Variants in RERE observed in about 807,000 individuals in gnomAD.
RERE encodes arginine-glutamic acid dipeptide repeats, also known as arginine-glutamic acid dipeptide repeats protein.
Under a neutral mutation model 146.1 loss-of-function variants are expected in RERE, and 40 were observed. The observed-to-expected ratio is 0.27, with a 90% confidence interval of 0.21 to 0.36. The LOEUF (loss-of-function observed/expected upper bound fraction) is 0.36, where lower values mean the gene tolerates loss of function less well. Among genes scored for constraint, RERE ranks in the 10% least tolerant of loss-of-function variants. RERE has a pLI of 1.00. For synonymous variants in RERE, 1,003 were observed against 866.0 expected, an observed-to-expected ratio of 1.16 and a Z score of -2.78; for missense variants, 1,933 against 2,138.7, an observed-to-expected ratio of 0.90 and a Z score of 1.90.
At chr1:8,407,289 G>C (rs1423593521) in intron 12 of RERE, among the ~76,000 whole-genome samples, 1 of 152,198 alleles carries the variant, frequency 6.6e-6, no homozygotes, top group East Asian at 1.9e-4. Context: ...GCTGCCTAGA[G>C]AAGGGGATGG....
At chr1:8,784,466 T>A (rs6697719) in intron 1 of RERE, among the ~76,000 whole-genome samples, 9,760 of 152,274 alleles carry the variant, frequency 0.064, 373 homozygotes, top group Middle Eastern at 0.099. Context: ...GCTTGGGGTT[T>A]TTTTTCTCTT....
chr1:8,423,923 C>A lies in RERE; in HGVS notation c.1204-1116G>T, dbSNP rs1319513615. 6.6e-6 allele frequency: 1 copy of A among 151,242 alleles called. No individual in the cohort carries two copies. Among genetic ancestry groups the A allele is most frequent in the East Asian group, 1.9e-4 (1 of 5,130 alleles). The allele number at this position is 151,242 out of a possible 1,614,324, so 9.4% of individuals were successfully genotyped here. A position where few individuals can be genotyped will look rare whatever the true frequency, so the allele number is the denominator to read the frequency against. On this transcript the variant is annotated intron_variant, in intron 11 of 22. Coordinates refer to ENST00000400908, the MANE Select transcript of RERE (RefSeq NM_001042681.2). This position sits in a 1 kb window ranked among gnomAD's most constrained non-coding sequence, Gnocchi z 5.4. ...CCCGGCCCGACCCCCACCCCGAGGC[C>A]GGAGCCTCCAGGGCACCCGGCGCTG...
At chr1:8,693,658 T>C (rs1326316665) in intron 1 of RERE, among the ~76,000 whole-genome samples, 3 of 152,272 alleles carry the variant, frequency 2.0e-5, no homozygotes, top group South Asian at 4.2e-4. Flanking sequence ...CTATATGATA[T>C]TGTAATGGTA....
At chr1:8,717,265 A>C (rs1639782996) in intron 1 of RERE, among the ~76,000 whole-genome samples, 1 of 152,240 alleles carries the variant, frequency 6.6e-6, no homozygotes, top group Non-Finnish European at 1.5e-5. Flanking sequence ...AAGGGAAAGG[A>C]AAATCAAGCA....
intron 12 of RERE, among the ~76,000 whole-genome samples, chr1:8,386,013 TA>T (rs1642656259): frequency 2.6e-4 from 11 of 42,266 alleles, no homozygotes; most frequent in Non-Finnish European, 3.1e-4. Context: ...TATATATATA[TA>T]TATATATATT....
intron 4 of RERE, among the ~76,000 whole-genome samples, chr1:8,559,495 A>G (rs1172216004): frequency 2.6e-5 from 4 of 152,002 alleles, no homozygotes; most frequent in Non-Finnish European, 1.5e-5. Flanking sequence ...CCTTTATATT[A>G]AAATTTCTGA....
intron 1 of RERE, among the ~76,000 whole-genome samples, chr1:8,783,362 A>C (rs1014463318): frequency 1.3e-5 from 2 of 152,196 alleles, no homozygotes; most frequent in African/African-American, 2.4e-5. Context: ...ATCAGAAAAT[A>C]CTGTCGCTCT....
At chr1:8,566,639 A>C (rs561208930) in intron 4 of RERE, among the ~76,000 whole-genome samples, 1 of 152,140 alleles carries the variant, frequency 6.6e-6, no homozygotes, top group Admixed American at 6.5e-5. Context: ...AACAAACAAA[A>C]AAAAACCTGA....
At chr1:8,671,941 A>T (rs931616558) in intron 1 of RERE, among the ~76,000 whole-genome samples, 2 of 152,128 alleles carry the variant, frequency 1.3e-5, no homozygotes, top group African/African-American at 4.8e-5. Flanking sequence ...ATATGATTAC[A>T]TCTGTAAGAG....
intron 12 of RERE, among the ~76,000 whole-genome samples, chr1:8,376,593 A>G (rs1642266166): frequency 6.6e-6 from 1 of 152,196 alleles, no homozygotes; most frequent in Non-Finnish European, 1.5e-5. Context: ...ACCACCCACC[A>G]GCTTCTGATA....
intron 11 of RERE, among the ~76,000 whole-genome samples, chr1:8,435,530 A>G (rs172531): frequency 0.3 from 46,333 of 152,006 alleles, 7,402 homozygotes; most frequent in African/African-American, 0.33. Flanking sequence ...AAACCATTAG[A>G]TGTTCTTCGT....
intron 12 of RERE, among the ~76,000 whole-genome samples, chr1:8,418,704 C>T (rs1021195649): frequency 6.6e-6 from 1 of 152,200 alleles, no homozygotes; most frequent in African/African-American, 2.4e-5. Context: ...AAGAAAACTG[C>T]AATGTATAGA....
intron 11 of RERE, among the ~76,000 whole-genome samples, chr1:8,436,424 C>T (rs1247946884): frequency 6.6e-6 from 1 of 152,206 alleles, no homozygotes; most frequent in Non-Finnish European, 1.5e-5. Flanking sequence ...ACAGTCGCTA[C>T]ATAAATGCCC....
intron 1 of RERE, among the ~76,000 whole-genome samples, chr1:8,657,762 G>A (rs989289737): frequency 1.8e-4 from 27 of 152,220 alleles, no homozygotes; most frequent in African/African-American, 6.5e-4. Flanking sequence ...CAGGAGAATC[G>A]CTTGAACCTA....
At position 8,423,708 on chromosome 1, in the gene RERE, G is replaced by C; in HGVS notation, c.1204-901C>G. 6 of 981,664 alleles carry C rather than the reference G, an allele frequency of 6.1e-6. No individual in the cohort carries two copies. Among genetic ancestry groups the C allele is most frequent in the Non-Finnish European group, 7.2e-6 (6 of 828,660 alleles). The allele number at this position is 981,664 out of a possible 1,614,324, so 60.8% of individuals were successfully genotyped here. On this transcript the variant is annotated intron_variant, in intron 11 of 22. Coordinates refer to ENST00000400908, the MANE Select transcript of RERE (RefSeq NM_001042681.2). This position sits in a 1 kb window ranked among gnomAD's most constrained non-coding sequence, Gnocchi z 5.4. ...GAGGCGGCCGCGGGTGGCTCGGCGT[G>C]TGACCGCGGCGGGGCCGCGCGGCGC...
intron 4 of RERE, among the ~76,000 whole-genome samples, chr1:8,591,313 C>T (rs1380128998): frequency 6.6e-6 from 1 of 151,726 alleles, no homozygotes; most frequent in African/African-American, 2.4e-5. Context: ...AAAGAATGGT[C>T]AAGAGAAAGA....
intron 4 of RERE, among the ~76,000 whole-genome samples, chr1:8,605,922 G>A (rs1646703088): frequency 7.5e-6 from 1 of 132,890 alleles, no homozygotes; most frequent in Non-Finnish European, 1.5e-5. Flanking sequence ...ATAGCACACT[G>A]CAGCCTCAGC....
At chr1:8,798,238 T>C (rs1430976244) in intron 1 of RERE, among the ~76,000 whole-genome samples, 2 of 151,566 alleles carry the variant, frequency 1.3e-5, no homozygotes, top group African/African-American at 4.8e-5. Flanking sequence ...CTACTAAAAA[T>C]AGAAAAAAAT....
intron 1 of RERE, among the ~76,000 whole-genome samples, chr1:8,718,403 A>T (rs972250989): frequency 6.6e-6 from 1 of 152,268 alleles, no homozygotes; most frequent in Admixed American, 6.5e-5. Context: ...CAAAATGAAG[A>T]AAATCAAGCA....
Sources: gnomAD v4.1 joint callset for allele counts (sites outside exome capture counted in the v4.1 genomes callset) on GRCh38, gnomAD v4.1.1 for gene constraint, Gnocchi (gnomAD v3.1) non-coding constraint, MANE v1.5 for transcripts, NCBI Gene and HGNC (gene_info 2026-07-23, HGNC 2026-07-21) for gene names.